IQCK: variants seen among roughly 807,000 people sequenced by gnomAD.
IQCK encodes the protein IQ domain-containing protein K.
In IQCK, 29 loss-of-function variants were observed where a neutral mutation model predicts 28.1. That is an observed-to-expected ratio of 1.03 (90% CI 0.77 to 1.41). The LOEUF is 1.41. Ranked by LOEUF, IQCK falls within the 40% of genes most tolerant of loss-of-function variation. The pLI is 0.00. For synonymous variants in IQCK, 113 were observed against 115.1 expected, an observed-to-expected ratio of 0.98 and a Z score of 0.12; for missense variants, 359 against 314.7, an observed-to-expected ratio of 1.14 and a Z score of -1.07.
intron 4 of IQCK, among the ~76,000 whole-genome samples, chr16:19,758,328 A>G (rs1337912779): frequency 6.6e-6 from 1 of 152,204 alleles, no homozygotes; most frequent in African/African-American, 2.4e-5. Context: ...CAGCACGTCC[A>G]CGCTTGCCCA....
chr16:19,838,917 G>T (rs2056330866), intron 9 of IQCK, among the ~76,000 whole-genome samples: 1 of 150,402 alleles, frequency 6.6e-6, no homozygotes, highest in Non-Finnish European at 1.5e-5. Flanking sequence ...TACTCGGGAG[G>T]CTGGGACTGC....
intron 9 of IQCK, among the ~76,000 whole-genome samples, chr16:19,852,911 CGCACGCG>C (rs1266488836): frequency 6.6e-6 from 1 of 152,120 alleles, no homozygotes; most frequent in Admixed American, 6.5e-5. Flanking sequence ...CGTGAGCCAC[CGCACGCG>C]GCCTCCTTCA....
chr16:19,783,566 A>C (rs969863310), intron 6 of IQCK, among the ~76,000 whole-genome samples: 1 of 151,714 alleles, frequency 6.6e-6, no homozygotes, highest in Admixed American at 6.6e-5. Context: ...TTTTTATTTG[A>C]CCTTAAGCCA....
chr16:19,751,916 CTGGGCTGGCCACACTCTACAAGAGTTGG>C (rs1272526946), intron 4 of IQCK, among the ~76,000 whole-genome samples: 2 of 152,134 alleles, frequency 1.3e-5, no homozygotes, highest in Non-Finnish European at 2.9e-5. Flanking sequence ...CTGAGTGCCC[CTGGGCTGGCCACACTCTACAAGAGTTGG>C]AAGGGGAAAA....
At chr16:19,817,714 C>A (rs1284295109) in intron 7 of IQCK, among the ~76,000 whole-genome samples, 2 of 152,056 alleles carry the variant, frequency 1.3e-5, no homozygotes, top group African/African-American at 4.8e-5. Flanking sequence ...CTTTTATTTG[C>A]CCCTCAGAAC....
intron 9 of IQCK, among the ~76,000 whole-genome samples, chr16:19,848,539 T>C (rs1446118737): frequency 6.6e-6 from 1 of 152,210 alleles, no homozygotes; most frequent in Admixed American, 6.5e-5. Context: ...TTAGCAGCAA[T>C]TCAGCTTATA....
intron 9 of IQCK, among the ~76,000 whole-genome samples, chr16:19,850,030 C>A (rs1161110892): frequency 6.6e-6 from 1 of 152,182 alleles, no homozygotes; most frequent in Non-Finnish European, 1.5e-5. Context: ...TACACTTTGC[C>A]AAAACATCAT....
At chr16:19,744,604 A>G (rs2054881691) in intron 4 of IQCK, among the ~76,000 whole-genome samples, 1 of 152,232 alleles carries the variant, frequency 6.6e-6, no homozygotes, top group African/African-American at 2.4e-5. Flanking sequence ...AGACCTCCAC[A>G]TTTCATGATA....
intron 7 of IQCK, among the ~76,000 whole-genome samples, chr16:19,826,181 T>A (rs2056146248): frequency 6.6e-6 from 1 of 152,074 alleles, no homozygotes; most frequent in African/African-American, 2.4e-5. Flanking sequence ...TAATTTTGTT[T>A]ATTTTTTATA....
chr16:19,804,958 G>T (rs1362185604), intron 7 of IQCK, among the ~76,000 whole-genome samples: 1 of 152,060 alleles, frequency 6.6e-6, no homozygotes, highest in Non-Finnish European at 1.5e-5. Flanking sequence ...TGAGTATGTG[G>T]CTTCCCCACA....
intron 2 of IQCK, among the ~76,000 whole-genome samples, chr16:19,731,125 G>A (rs1171611454): frequency 6.6e-6 from 1 of 152,158 alleles, no homozygotes; most frequent in Non-Finnish European, 1.5e-5. Context: ...CTTTGCAGTG[G>A]ATCTAACACC....
At chr16:19,737,573 C>T (rs952663608) in intron 4 of IQCK, among the ~76,000 whole-genome samples, 2 of 152,098 alleles carry the variant, frequency 1.3e-5, no homozygotes, top group African/African-American at 4.8e-5. Flanking sequence ...TTGGGTAGCA[C>T]GCTTAGGAAG....
intron 9 of IQCK, among the ~76,000 whole-genome samples, chr16:19,835,615 T>C (rs28663160): frequency 0.25 from 37,329 of 149,826 alleles, 5,094 homozygotes; most frequent in African/African-American, 0.34. Flanking sequence ...GACAGAGTCT[T>C]GCTCTGTCGC....
chr16:19,749,187 G>T (rs1250786615), intron 4 of IQCK, among the ~76,000 whole-genome samples: 1 of 152,214 alleles, frequency 6.6e-6, no homozygotes, highest in African/African-American at 2.4e-5. Flanking sequence ...AGAGAAGAGA[G>T]ACGAAACAGA....
chr16:19,799,249 G>T (rs2055726144), intron 7 of IQCK, among the ~76,000 whole-genome samples: 1 of 102,388 alleles, frequency 9.8e-6, no homozygotes, highest in Non-Finnish European at 1.7e-5. Flanking sequence ...ATTCTTCTAT[G>T]GTATATATAT....
At chr16:19,809,967 A>G (rs1054117761) in intron 7 of IQCK, among the ~76,000 whole-genome samples, 1 of 152,206 alleles carries the variant, frequency 6.6e-6, no homozygotes, top group Non-Finnish European at 1.5e-5. Context: ...ACTGTACATT[A>G]GAAACACCAG....
At chr16:19,815,970 C>A (rs1408901531) in intron 7 of IQCK, among the ~76,000 whole-genome samples, 1 of 152,152 alleles carries the variant, frequency 6.6e-6, no homozygotes, top group Non-Finnish European at 1.5e-5. Flanking sequence ...GTATTAAGAA[C>A]CTTCTATGAG....
At chr16:19,806,062 T>C (rs2055829683) in intron 7 of IQCK, among the ~76,000 whole-genome samples, 1 of 152,124 alleles carries the variant, frequency 6.6e-6, no homozygotes, top group Admixed American at 6.5e-5. Context: ...GCTACTATTT[T>C]AGATGGTGAA....
At chr16:19,786,753 GAA>G (rs139790198) in intron 6 of IQCK, among the ~76,000 whole-genome samples, 1 of 123,496 alleles carries the variant, frequency 8.1e-6, no homozygotes, top group African/African-American at 4.0e-5. Context: ...AAAGAAAGGG[GAA>G]AAAAAGGAAG....
Sources: allele counts gnomAD v4.1 joint callset (sites outside exome capture counted in the v4.1 genomes callset), GRCh38; gene constraint gnomAD v4.1.1; transcripts MANE v1.5; gene names NCBI Gene and HGNC (gene_info 2026-07-23, HGNC 2026-07-21).